Variants in PCDHGB1 observed in about 807,000 individuals in gnomAD.
PCDHGB1 encodes protocadherin gamma subfamily B, 1, also known as protocadherin gamma-B1.
In PCDHGB1, 34 loss-of-function variants were observed where a neutral mutation model predicts 56.6. That is an observed-to-expected ratio of 0.60 (90% CI 0.46 to 0.80). The LOEUF is 0.80. Among genes scored for constraint, PCDHGB1 ranks in the 30% least tolerant of loss-of-function variants. The pLI is 0.00. For synonymous variants in PCDHGB1, 561 were observed against 505.9 expected, an observed-to-expected ratio of 1.11 and a Z score of -1.46; for missense variants, 1,278 against 1,204.6, an observed-to-expected ratio of 1.06 and a Z score of -0.90.
At chr5:141,355,853 G>A in intron 1 of PCDHGB1, 1 of 1,612,554 alleles carries the variant, frequency 6.2e-7, no homozygotes, top group Non-Finnish European at 8.5e-7. Context: ...TTCGATGGAG[G>A]TGACCCGGTT....
intron 1 of PCDHGB1, chr5:141,375,075 C>T (rs772132262): frequency 6.2e-6 from 10 of 1,613,926 alleles, no homozygotes; most frequent in East Asian, 4.5e-5. Flanking sequence ...CGAGACAGAG[C>T]GAAAGTCTTA....
chr5:141,379,813 T>C (rs1775841720), intron 1 of PCDHGB1, among the ~76,000 whole-genome samples: 1 of 150,950 alleles, frequency 6.6e-6, no homozygotes, highest in South Asian at 2.1e-4. Flanking sequence ...GAGAGTTCAG[T>C]ATAGAATTTT....
chr5:141,482,126 A>G (rs1235540230), intron 1 of PCDHGB1, among the ~76,000 whole-genome samples: 1 of 152,004 alleles, frequency 6.6e-6, no homozygotes, highest in Non-Finnish European at 1.5e-5. Flanking sequence ...TGGGAGAATC[A>G]TATGGCTGGC....
chr5:141,470,479 C>T (rs2099231547), intron 1 of PCDHGB1, among the ~76,000 whole-genome samples: 1 of 152,078 alleles, frequency 6.6e-6, no homozygotes, highest in African/African-American at 2.4e-5. Flanking sequence ...ATTACTAACC[C>T]TCTGGGAATA....
In PCDHGB1 at chr5:141,375,335, T is replaced by A. The variant is rs781205937; in HGVS notation, c.2409+22666T>A. On this transcript the variant is annotated intron_variant, in intron 1 of 3. Transcript: ENST00000523390. ...TCTAGACCGGGAAGAGGTATTCTTG[T>A]ACAACATCACTGTGACAGCCACGGA... is the stretch of plus-strand genomic sequence containing the variant. 1.7e-5 allele frequency: 27 copies of A among 1,613,694 alleles called. No homozygotes were observed. The Admixed American group carries it at 3.8e-4, about 23-fold the overall frequency.
chr5:141,498,284 G>A (rs1339639509), intron 2 of PCDHGB1, among the ~76,000 whole-genome samples: 1 of 152,004 alleles, frequency 6.6e-6, no homozygotes, highest in Non-Finnish European at 1.5e-5. Flanking sequence ...CTTGGTTCAA[G>A]ATCAAGCCAG....
rs2154573815 is a variant in PCDHGB1 at position 141,475,798 on chromosome 5, CAAAGG to C, written c.2410-19004_2410-19000del. ...TTGGCTGGAAACTCTGGAAGGAAGC[CAAAGG>C]AAAGTGAAGTTCCTGGCGCTAGCGC... On this transcript the variant is annotated intron_variant, in intron 1 of 3. Coordinates refer to ENST00000523390, the MANE Select transcript of PCDHGB1 (RefSeq NM_018922.3). The C allele has an allele frequency of 9.7e-6, 3 of 309,052 alleles. No homozygotes were observed. The South Asian group carries it at 2.0e-4, about 21-fold the overall frequency. 19.1% of individuals were successfully genotyped at this position (309,052 alleles called of 1,614,324 possible).
In PCDHGB1 at chr5:141,389,782, G is replaced by C. The variant is rs768524617; in HGVS notation, c.2409+37113G>C. 4 of 1,613,192 alleles carry C rather than the reference G, an allele frequency of 2.5e-6. No individual in the cohort carries two copies. In the African/African-American group the frequency reaches 5.3e-5, roughly 22 times the overall value. On this transcript the variant is annotated intron_variant, in intron 1 of 3. Transcript: ENST00000523390. ...CGCACAGCGCGTGCCTTAGGCGACAGGGACGCCGTCCGCCAGCGCCTTCTG... is the reference window on the plus strand; with the variant it reads ...CGCACAGCGCGTGCCTTAGGCGACACGGACGCCGTCCGCCAGCGCCTTCTG...
intron 1 of PCDHGB1, chr5:141,422,833 C>G (rs2096676817): frequency 6.2e-7 from 1 of 1,614,106 alleles, no homozygotes; most frequent in African/African-American, 1.3e-5. Flanking sequence ...AGTGATAGCA[C>G]GTGACAGCGG....
chr5:141,477,611 C>T lies in PCDHGB1; in HGVS notation c.2410-17196C>T. On this transcript the variant is annotated intron_variant, in intron 1 of 3. Coordinates refer to ENST00000523390, the MANE Select transcript of PCDHGB1 (RefSeq NM_018922.3). This position sits in a 1 kb window ranked among gnomAD's most constrained non-coding sequence, Gnocchi z 4.9. ...TCGGCTTTCTTTCTTTCTCTTGGAG[C>T]AAGGAGCTGAAACCGGGCTAGTGGG... is the stretch of plus-strand genomic sequence containing the variant. The T allele has an allele frequency of 6.2e-7, 1 of 1,614,188 alleles. No homozygotes were observed. The highest frequency in any genetic ancestry group is 8.5e-7 in the Non-Finnish European group (1 of 1,180,036).
chr5:141,465,429 A>G (rs1191638112), intron 1 of PCDHGB1, among the ~76,000 whole-genome samples: 2 of 152,316 alleles, frequency 1.3e-5, no homozygotes, highest in East Asian at 3.9e-4. Context: ...AAAGGTGGGC[A>G]CTTAATGATT....
intron 1 of PCDHGB1, chr5:141,378,119 G>T (rs1412148490): frequency 1.3e-5 from 2 of 152,132 alleles, no homozygotes; most frequent in South Asian, 2.1e-4. Flanking sequence ...TAGTGAACAC[G>T]TATTTGTTGA....
intron 1 of PCDHGB1, chr5:141,372,377 C>A (rs1006605507): frequency 6.2e-7 from 1 of 1,613,996 alleles, no homozygotes; most frequent in Non-Finnish European, 8.5e-7. Flanking sequence ...TCATGCTGCA[C>A]CTAATCTTCG....
chr5:141,403,079 T>C (rs770770660), intron 1 of PCDHGB1: 3 of 1,614,064 alleles, frequency 1.9e-6, no homozygotes, highest in Non-Finnish European at 1.7e-6. Flanking sequence ...AGAAAAGGGC[T>C]ATATTGTGGG....
chr5:141,501,635 T>G (rs553343946), intron 2 of PCDHGB1, among the ~76,000 whole-genome samples: 1 of 152,236 alleles, frequency 6.6e-6, no homozygotes, highest in African/African-American at 2.4e-5. Flanking sequence ...TCTCAACCTC[T>G]CTGAGCCCTG....
At chr5:141,453,490 G>T (rs921556476) in intron 1 of PCDHGB1, among the ~76,000 whole-genome samples, 3 of 151,922 alleles carry the variant, frequency 2.0e-5, no homozygotes, top group African/African-American at 7.3e-5. Context: ...TTAAAAAAAG[G>T]TGTACTCAGA....
chr5:141,511,002 C>T lies in PCDHGB1; in HGVS notation c.2613C>T (p.Ser871=), dbSNP rs143630962. 77 of 1,614,140 alleles carry T rather than the reference C, an allele frequency of 4.8e-5. No individual in the cohort carries two copies. Among genetic ancestry groups the T allele is most frequent in the South Asian group, 2.1e-4 (19 of 91,080 alleles). ...GGGGTGCCGGCACCATGGGATTGAG[C>T]GCCCGCTACGGACCCCAGTTCACCC... The part of the protein sequence containing the change: ...LGGGAGTMGL[S]ARYGPQFTLQ... Residue 871 remains serine (S), a synonymous_variant, in exon 4 of 4, where the codon AGC becomes AGT. Coordinates refer to ENST00000523390, the MANE Select transcript of PCDHGB1 (RefSeq NM_018922.3).
At chr5:141,418,566 A>G (rs2096269931) in intron 1 of PCDHGB1, 2 of 1,614,054 alleles carry the variant, frequency 1.2e-6, no homozygotes, top group South Asian at 1.1e-5. Context: ...ATAGATGCCA[A>G]TGACAACCCC....
At chr5:141,422,664 C>T (rs2096662670) in intron 1 of PCDHGB1, 4 of 1,608,458 alleles carry the variant, frequency 2.5e-6, no homozygotes, top group Non-Finnish European at 3.4e-6. Flanking sequence ...CCGCCCTCGA[C>T]CCGGACAGCA....
Sources: gnomAD v4.1 joint callset for allele counts (sites outside exome capture counted in the v4.1 genomes callset) on GRCh38, gnomAD v4.1.1 for gene constraint, Gnocchi (gnomAD v3.1) non-coding constraint, MANE v1.5 for transcripts, NCBI Gene and HGNC (gene_info 2026-07-23, HGNC 2026-07-21) for gene names.